Variants in GSS observed in about 807,000 individuals in gnomAD.
The protein encoded by GSS is GSH synthetase.
In GSS, 34 loss-of-function variants were observed where a neutral mutation model predicts 60.4. That is an observed-to-expected ratio of 0.56 (90% CI 0.43 to 0.75). The LOEUF (loss-of-function observed/expected upper bound fraction) is 0.75, where lower values mean the gene tolerates loss of function less well. GSS is among the 30% of genes least tolerant of loss of function. The pLI is 0.00. For synonymous variants in GSS, 224 were observed against 239.0 expected, an observed-to-expected ratio of 0.94 and a Z score of 0.58; for missense variants, 499 against 595.1, an observed-to-expected ratio of 0.84 and a Z score of 1.68.
chr20:34,932,156 G>T lies in GSS; in HGVS notation c.835-23C>A. 3 of 1,589,712 alleles carry T rather than the reference G, an allele frequency of 1.9e-6. No individual in the cohort carries two copies. The South Asian group carries it at 3.3e-5, about 18-fold the overall frequency. On this transcript the variant is annotated intron_variant, in intron 9 of 12. Transcript: ENST00000651619. ...ATTCTGCAGAGGGAAGAAGACAAAA[G>T]GAATTCGACTTTATTTTACTTCAGC...
chr20:34,939,550 T>TA (rs1247705591), intron 6 of GSS, among the ~76,000 whole-genome samples: 2 of 152,220 alleles, frequency 1.3e-5, no homozygotes, highest in African/African-American at 4.8e-5. Context: ...ATTCTATACT[T>TA]ACCGGTTGTG....
rs761193810 is a variant in GSS at position 34,931,935 on chromosome 20, G to C, written c.1029+4C>G. ...GTGGTAGGAGAAACAGGCTGCCCAC[G>C]TACCACATCCAGTGAGTAGAGGCCA... On this transcript the variant is annotated splice_donor_region_variant and intron_variant, in intron 10 of 12. Coordinates refer to ENST00000651619, the MANE Select transcript of GSS (RefSeq NM_000178.4). The C allele has an allele frequency of 1.9e-6, 3 of 1,613,088 alleles. No homozygotes were observed. The highest frequency in any genetic ancestry group is 1.7e-5 in the Admixed American group (1 of 59,998).
Position 34,932,113 on chromosome 20 carries a change from C to T in GSS, c.855G>A (p.Leu285=). 1 of 1,613,966 alleles carries T rather than the reference C, an allele frequency of 6.2e-7. No homozygotes were observed. The highest frequency in any genetic ancestry group is 8.5e-7 in the Non-Finnish European group (1 of 1,179,796). Reference sequence around the variant, plus strand: ...ACTTGGCAGCATGTGACCTCTCCAGCAGTAGACGTGCTTCCCAATTCTGCA... The same window carrying T: ...ACTTGGCAGCATGTGACCTCTCCAGTAGTAGACGTGCTTCCCAATTCTGCA... The part of the protein sequence containing the change: ...YSLQNWEARL[L]LERSHAAKCP... The change falls in exon 10 of 13, where the codon CTG becomes CTA. Residue 285 remains leucine (L), a synonymous_variant. Transcript: ENST00000651619.
At chr20:34,948,257 T>A (rs35147036) in intron 2 of GSS, among the ~76,000 whole-genome samples, 2,020 of 152,266 alleles carry the variant, frequency 0.013, 38 homozygotes, top group African/African-American at 0.046. Flanking sequence ...AGCTATGTGA[T>A]GACTACAGGA....
At chr20:34,951,703 G>C in intron 2 of GSS, 21 bp downstream of exon 2, 8 of 1,592,842 alleles carry the variant, frequency 5.0e-6, no homozygotes, top group Non-Finnish European at 6.8e-6. Flanking sequence ...TGAATGCTGT[G>C]GGGAGGAGCT....
chr20:34,929,502 C>A lies in GSS; in HGVS notation c.1200G>T (p.Lys400Asn). 2.5e-6 allele frequency: 4 copies of A among 1,614,066 alleles called. No individual in the cohort carries two copies. Among genetic ancestry groups the A allele is most frequent in the Non-Finnish European group, 3.4e-6 (4 of 1,179,868 alleles). ...EERASYILMEKIEPEPFENCL... is the reference protein window; with the variant it reads ...EERASYILMENIEPEPFENCL... ...AATTCTCAAAAGGCTCAGGTTCGAT[C>A]TTCTCCATGAGGATGTAGGAGGCCC... is the stretch of plus-strand genomic sequence containing the variant. The change falls in exon 12 of 13, where the codon AAG (lysine) becomes AAT (asparagine). Residue 400 changes from lysine to asparagine, a missense_variant. Lys to Asn is a moderately conservative substitution (Grantham distance 94, BLOSUM62 0). Coordinates refer to ENST00000651619, the MANE Select transcript of GSS (RefSeq NM_000178.4).
At chr20:34,946,484 C>T (rs1053472822) in intron 2 of GSS, 1 of 158,242 alleles carries the variant, frequency 6.3e-6, no homozygotes, top group African/African-American at 2.4e-5. Flanking sequence ...GAGAGGTTAA[C>T]AGATCCAAAA....
chr20:34,945,886 G>A, intron 3 of GSS, 67 bp downstream of exon 3: 1 of 1,535,304 alleles, frequency 6.5e-7, no homozygotes, highest in Non-Finnish European at 9.0e-7. Flanking sequence ...ACACCTCACG[G>A]CTCTGCAATC....
At chr20:34,955,039 C>G (rs1308388159) in intron 1 of GSS, 1 of 152,226 alleles carries the variant, frequency 6.6e-6, no homozygotes, top group Non-Finnish European at 1.5e-5. Context: ...TGTCCCCCTT[C>G]CAGGACTTGG....
At position 34,929,480 on chromosome 20, in the gene GSS, T is replaced by C; in HGVS notation, c.1222A>G (p.Asn408Asp). 2.5e-6 allele frequency: 4 copies of C among 1,614,120 alleles called. No individual in the cohort carries two copies. Among genetic ancestry groups the C allele is most frequent in the Non-Finnish European group, 3.4e-6 (4 of 1,179,986 alleles). The change falls in exon 12 of 13, where the codon AAT becomes GAT. Residue 408 changes from asparagine (N) to aspartate (D), a missense_variant. Coordinates refer to ENST00000651619, the MANE Select transcript of GSS (RefSeq NM_000178.4). Reference protein sequence around the residue: ...MEKIEPEPFENCLLRPGSPAR... With the variant: ...MEKIEPEPFEDCLLRPGSPAR... Reference sequence around the variant, plus strand: ...GGGCTGCCAGGCCGTAGCAGGCAATTCTCAAAAGGCTCAGGTTCGATCTTC... The same window carrying C: ...GGGCTGCCAGGCCGTAGCAGGCAATCCTCAAAAGGCTCAGGTTCGATCTTC...
chr20:34,938,879 T>C (rs967573767), intron 6 of GSS, among the ~76,000 whole-genome samples: 2 of 152,144 alleles, frequency 1.3e-5, no homozygotes, highest in African/African-American at 4.8e-5. Flanking sequence ...TGACTTGTAG[T>C]GTGTCTTGGT....
Position 34,951,718 on chromosome 20 carries a change from G to A in GSS, c.129+6C>T. 1.2e-6 allele frequency: 2 copies of A among 1,601,142 alleles called. No individual in the cohort carries two copies. Among genetic ancestry groups the A allele is most frequent in the Non-Finnish European group, 1.7e-6 (2 of 1,172,924 alleles). On this transcript the variant is annotated splice_donor_region_variant and intron_variant, in intron 2 of 12. Transcript: ENST00000651619. Reference sequence around the variant, plus strand: ...TGAATGCTGTGGGGAGGAGCTAGGGGCTTACCTCCGAGGAAGTGGGCTCCT... The same window carrying A: ...TGAATGCTGTGGGGAGGAGCTAGGGACTTACCTCCGAGGAAGTGGGCTCCT...
At chr20:34,943,545 T>C (rs889288596) in intron 3 of GSS, among the ~76,000 whole-genome samples, 2 of 152,158 alleles carry the variant, frequency 1.3e-5, no homozygotes, top group African/African-American at 2.4e-5. Context: ...TGTGCACCAA[T>C]AAGATTTTTC....
At chr20:34,946,296 C>T (rs532715733) in intron 2 of GSS, among the ~76,000 whole-genome samples, 198 bp from the exon 3 acceptor site, 6 of 152,166 alleles carry the variant, frequency 3.9e-5, no homozygotes, top group African/African-American at 7.2e-5. Context: ...TTTATCTCTA[C>T]GTATTGAAGA....
intron 6 of GSS, among the ~76,000 whole-genome samples, chr20:34,941,137 A>G (rs2081479031): frequency 6.6e-6 from 1 of 152,186 alleles, no homozygotes; most frequent in Admixed American, 6.5e-5. Flanking sequence ...TGGGCGGATC[A>G]CGAGGTCAGG....
chr20:34,947,157 G>A lies in GSS; in HGVS notation c.130-1059C>T, dbSNP rs573326118. On this transcript the variant is annotated intron_variant, in intron 2 of 12. Transcript: ENST00000651619. ...GGCTGGAGTGCAGTGGTACAATCTC[G>A]GCTCACTGCAACCTCCATCTCCTGG... Among the ~76,000 whole-genome samples the A allele has an allele frequency of 4.0e-5, 6 of 151,868 alleles. 1 individual carries two copies. In the South Asian group the frequency reaches 8.3e-4, roughly 21 times the overall value.
rs1037816723 is a variant in GSS, at chr20:34,951,791, T to C, written c.62A>G (p.Gln21Arg). The change falls in exon 2 of 13, where the codon CAG becomes CGG. Residue 21 changes from glutamine to arginine, a missense_variant. Coordinates refer to ENST00000651619, the MANE Select transcript of GSS (RefSeq NM_000178.4). The part of the protein sequence containing the change: ...DKQQLEELAR[Q>R]AVDRALAEGV... The stretch of plus-strand genomic sequence containing the variant: ...CTCAGCCAGGGCCCGGTCCACGGCC[T>C]GCCGTGCCAGCTCCTCTAGCTGCTG... The C allele has an allele frequency of 1.7e-5, 27 of 1,613,986 alleles. No individual in the cohort carries two copies. Among genetic ancestry groups the C allele is most frequent in the Non-Finnish European group, 2.0e-5 (24 of 1,179,978 alleles).
intron 5 of GSS, 80 bp from the exon 6 acceptor site, chr20:34,941,909 C>A: frequency 1.3e-6 from 1 of 797,556 alleles, no homozygotes; most frequent in Non-Finnish European, 2.3e-6. Context: ...TATACAGCAA[C>A]ATGACTCTGA....
chr20:34,935,051 G>A (rs2081430341), intron 9 of GSS, among the ~76,000 whole-genome samples: 1 of 152,196 alleles, frequency 6.6e-6, no homozygotes, highest in African/African-American at 2.4e-5. Context: ...CTCTCTAAAC[G>A]TTAGTTTCTC....
Sources: allele counts gnomAD v4.1 joint callset (sites outside exome capture counted in the v4.1 genomes callset), GRCh38; gene constraint gnomAD v4.1.1; transcripts MANE v1.5; gene names NCBI Gene and HGNC (gene_info 2026-07-23, HGNC 2026-07-21).